Variants in PRAMEF14 observed in about 807,000 individuals in gnomAD.
PRAMEF14 encodes PRAME family member 14.
In PRAMEF14, 24 loss-of-function variants were observed where a neutral mutation model predicts 38.3. The ratio of observed to expected loss-of-function variants is 0.63; its 90% CI spans 0.45 to 0.88. The LOEUF is 0.88. Ranked by LOEUF, PRAMEF14 falls within the 40% of genes least tolerant of loss-of-function variation. PRAMEF14 has a pLI of 0.00. For missense variants in PRAMEF14, 477 were observed against 570.8 expected, an observed-to-expected ratio of 0.84 and a Z score of 1.67; for synonymous variants, 194 against 226.4, an observed-to-expected ratio of 0.86 and a Z score of 1.29.
chr1:13,344,299 A>T lies in PRAMEF14; in HGVS notation c.605T>A (p.Ile202Lys). Residue 202 changes from isoleucine to lysine, a missense_variant, in exon 3 of 4, where the codon ATA becomes AAA. Physicochemically the swap from Ile to Lys is moderately radical, Grantham distance 102. Around this residue, in one of 4 missense-constraint regions of PRAMEF14, gnomAD observed 234 missense variants for 247.4 expected, o/e 0.95. Transcript: ENST00000334600. ...IKHLRKSLKI[I>K]YLNSIQQLEI... is the part of the protein sequence containing the mutation. ...CAGCTGTTGAATACTATTCAGGTAT[A>T]TTATTTTCAATGACTTTCTGAGATG... 1 of 1,606,646 alleles carries T rather than the reference A, an allele frequency of 6.2e-7. No homozygotes were observed. The highest frequency in any genetic ancestry group is 8.5e-7 in the Non-Finnish European group (1 of 1,177,238).
rs1178506272 is a variant in PRAMEF14, at chr1:13,344,828, G to T, written c.287+200C>A. ...TTTACCTTCCACTGAGTAAAGGCAG[G>T]TTTCTGTTCCCACAGTGGACCCTGT... On this transcript the variant is annotated intron_variant, in intron 2 of 3. Transcript: ENST00000334600. 3.3e-5 allele frequency among the ~76,000 whole-genome samples: 5 copies of T among 150,350 alleles called. 1 individual carries two copies. The highest frequency in any genetic ancestry group is 7.4e-5 in the Non-Finnish European group (5 of 67,578).
chr1:13,345,112 G>T lies in PRAMEF14; in HGVS notation c.203C>A (p.Ser68Ter), dbSNP rs1640383877. The T allele has an allele frequency of 3.1e-6, 5 of 1,593,438 alleles. No individual in the cohort carries two copies. Among genetic ancestry groups the T allele is most frequent in the Non-Finnish European group, 4.3e-6 (5 of 1,167,712 alleles). Residue 68 changes from serine (S) to a stop codon, truncating the protein, a stop_gained, in exon 2 of 4, where the codon TCA becomes TAA. Coordinates refer to ENST00000334600, the MANE Select transcript of PRAMEF14 (RefSeq NM_001024661.2). LOFTEE classifies it high-confidence loss of function. The stretch of plus-strand genomic sequence containing the variant: ...CTCCAAATGAAGCGTCTTCATCAGT[G>T]ATCCCAGAGGGAGGCAGGTGAAGGG... ...AWPFTCLPLG[S>*]LMKTLHLETL...
chr1:13,345,833 G>A (rs1349774562), intron 1 of PRAMEF14, among the ~76,000 whole-genome samples: 1 of 151,072 alleles, frequency 6.6e-6, no homozygotes, highest in South Asian at 2.1e-4. Context: ...ATGAAACGAT[G>A]TCTCTACTAA....
Position 13,343,090 on chromosome 1 carries a change from TG to T in PRAMEF14, c.867-5del, listed in dbSNP as rs1385995156. ...CTCCAAGGGGTTCTGGAGGCACCTG[TG>T]GAGATCAAGAAGTTAGTTCTGGGCA... On this transcript the variant is annotated splice_region_variant and splice_polypyrimidine_tract_variant and intron_variant, in intron 3 of 3. Transcript: ENST00000334600. The T allele has an allele frequency of 1.9e-6, 3 of 1,608,672 alleles. No individual in the cohort carries two copies. Among genetic ancestry groups the T allele is most frequent in the African/African-American group, 2.7e-5 (2 of 74,802 alleles).
Position 13,342,529 on chromosome 1 carries a change from T to TA in PRAMEF14, c.1423dup (p.Ter475LeufsTer9), listed in dbSNP as rs754912700. 2.5e-6 allele frequency: 4 copies of TA among 1,604,864 alleles called. 1 individual carries two copies. Among genetic ancestry groups the TA allele is most frequent in the Non-Finnish European group, 3.4e-6 (4 of 1,177,158 alleles). Reference sequence around the variant, plus strand: ...TCTACCCCGCTAGGCACGCCTTCCCTAGCAGCAAAGATGGAGCTCCAGTTC... The same window carrying TA: ...TCTACCCCGCTAGGCACGCCTTCCCTAAGCAGCAAAGATGGAGCTCCAGTTC... On this transcript the variant is annotated frameshift_variant and stop_lost, in exon 4 of 4. Transcript: ENST00000334600. LOFTEE classifies it high-confidence loss of function.
At chr1:13,346,550 A>G (rs1173364290) in intron 1 of PRAMEF14, among the ~76,000 whole-genome samples, 1 of 149,460 alleles carries the variant, frequency 6.7e-6, no homozygotes, top group Non-Finnish European at 1.5e-5. Context: ...GAGCACTGTA[A>G]CTCTGAGATG....
chr1:13,344,558 A>T lies in PRAMEF14; in HGVS notation c.346T>A (p.Trp116Arg). Reference sequence around the variant, plus strand: ...CAGGACAGGGCCCAGGCTCCAGGCCATCTGGCCCAGAAATTCTCATCAACA... The same window carrying T: ...CAGGACAGGGCCCAGGCTCCAGGCCTTCTGGCCCAGAAATTCTCATCAACA... ...RDVDENFWAR[W>R]PGAWALSCFP... is the part of the protein sequence containing the mutation. The change falls in exon 3 of 4, where the codon TGG becomes AGG. Residue 116 changes from tryptophan to arginine, a missense_variant. Physicochemically the swap from Trp to Arg is moderately radical, Grantham distance 101 (BLOSUM62 -3). Around this residue, in one of 4 missense-constraint regions of PRAMEF14, gnomAD observed 234 missense variants for 247.4 expected, o/e 0.95. Coordinates refer to ENST00000334600, the MANE Select transcript of PRAMEF14 (RefSeq NM_001024661.2). 1 of 1,604,612 alleles carries T rather than the reference A, an allele frequency of 6.2e-7. No homozygotes were observed. The highest frequency in any genetic ancestry group is 8.5e-7 in the Non-Finnish European group (1 of 1,177,158).
rs758964200 is a variant in PRAMEF14, at chr1:13,342,965, C to T, written c.988G>A (p.Val330Met). The T allele has an allele frequency of 2.5e-5, 40 of 1,608,824 alleles. 1 individual carries two copies. The highest frequency in any genetic ancestry group is 3.0e-5 in the Non-Finnish European group (35 of 1,178,430). Reference sequence around the variant, plus strand: ...TCAAGACTGATGCGGAACAGCAGCACGTAGCTGAGATTCAGATGCTTTAGG... The same window carrying T: ...TCAAGACTGATGCGGAACAGCAGCATGTAGCTGAGATTCAGATGCTTTAGG... The part of the protein sequence containing the change: ...GYLKHLNLSY[V>M]LLFRISLEPL... Residue 330 changes from valine to methionine, a missense_variant, in exon 4 of 4, where the codon GTG becomes ATG. Coordinates refer to ENST00000334600, the MANE Select transcript of PRAMEF14 (RefSeq NM_001024661.2).
rs1193875974 is a variant in PRAMEF14 at position 13,345,852 on chromosome 1, AAATT to A, written c.-25-517_-25-514del. ...AACGATGTCTCTACTAAATACAAAAAAATTAAGAATCATTTGACTCCAGAAGGCA... is the reference window on the plus strand; with the variant it reads ...AACGATGTCTCTACTAAATACAAAAAAAGAATCATTTGACTCCAGAAGGCA... On this transcript the variant is annotated intron_variant, in intron 1 of 3. Coordinates refer to ENST00000334600, the MANE Select transcript of PRAMEF14 (RefSeq NM_001024661.2). 2.0e-5 allele frequency among the ~76,000 whole-genome samples: 3 copies of A among 152,048 alleles called. No homozygotes were observed. The East Asian group carries it at 5.9e-4, about 30-fold the overall frequency.
At position 13,347,071 on chromosome 1, in the gene PRAMEF14, C is replaced by CT. The variant is rs1640412826; in HGVS notation, c.-41dup. 1 of 150,366 alleles carries CT rather than the reference C, an allele frequency of 6.7e-6. No individual in the cohort carries two copies. The allele number at this position is 150,366 out of a possible 1,614,324, so 9.3% of individuals were successfully genotyped here. A position where few individuals can be genotyped will look rare whatever the true frequency, so the allele number is the denominator to read the frequency against. Reference sequence around the variant, plus strand: ...TGGTGACTTACCAGCGCTGGACTCACTTTGCAGAGTTCTGGGACCTCTCAG... The same window carrying CT: ...TGGTGACTTACCAGCGCTGGACTCACTTTTGCAGAGTTCTGGGACCTCTCAG... On this transcript the variant is annotated 5_prime_UTR_variant, in exon 1 of 4. Transcript: ENST00000334600.
In PRAMEF14 at chr1:13,342,256, C is replaced by A. The variant is rs1553125288; in HGVS notation, c.*272G>T. 6.3e-4 allele frequency: 338 copies of A among 539,494 alleles called. 1 individual carries two copies. In the Middle Eastern group the frequency reaches 6.9e-3, roughly 11 times the overall value. The allele number at this position is 539,494 out of a possible 1,614,324, so 33.4% of individuals were successfully genotyped here. On this transcript the variant is annotated 3_prime_UTR_variant, in exon 4 of 4. Transcript: ENST00000334600. ...ACTTCCCTGTGCTTCCTTTAAGTTGCATGTGGCCTGGACACAGTCACTCAT... is the reference window on the plus strand; with the variant it reads ...ACTTCCCTGTGCTTCCTTTAAGTTGAATGTGGCCTGGACACAGTCACTCAT...
chr1:13,343,675 C>T (rs1442855061), intron 3 of PRAMEF14: 34 of 1,343,668 alleles, frequency 2.5e-5, no homozygotes, highest in South Asian at 2.3e-4. Context: ...AGGTTTGATG[C>T]GCTTTCCCTC....
chr1:13,345,576 C>A (rs1175323119), intron 1 of PRAMEF14, among the ~76,000 whole-genome samples: 1 of 150,832 alleles, frequency 6.6e-6, no homozygotes, highest in Non-Finnish European at 1.5e-5. Context: ...CACTTACCAC[C>A]CTAAAGCAAT....
chr1:13,342,864 G>A lies in PRAMEF14; in HGVS notation c.1089C>T (p.Tyr363=), dbSNP rs374212194. ...CAGGCAGGATGGCACTGAGTTGGGA[G>A]TAGTGGATCTGACAGCCCTCCAAGA... ...TLILEGCQIH[Y]SQLSAILPGL... The change falls in exon 4 of 4, where the codon TAC becomes TAT. Residue 363 remains tyrosine, a synonymous_variant. Transcript: ENST00000334600. 1,007 of 1,609,294 alleles carry A rather than the reference G, an allele frequency of 6.3e-4. 10 individuals carry two copies. The highest frequency in any genetic ancestry group is 8.0e-4 in the Non-Finnish European group (944 of 1,179,284).
rs1640334366 is a variant in PRAMEF14 at position 13,342,076 on chromosome 1, C to A, written c.*452G>T. 6.1e-6 allele frequency: 1 copy of A among 164,684 alleles called. No individual in the cohort carries two copies. Among genetic ancestry groups the A allele is most frequent in the Non-Finnish European group, 1.3e-5 (1 of 74,872 alleles). 10.2% of individuals were successfully genotyped at this position (164,684 alleles called of 1,614,324 possible). A position where few individuals can be genotyped will look rare whatever the true frequency, so the allele number is the denominator to read the frequency against. ...TTTATTTCTGATATTCCTTGGTAAC[C>A]ATCCTTGCAGGGATAACATTCTCAT... On this transcript the variant is annotated 3_prime_UTR_variant, in exon 4 of 4. Transcript: ENST00000334600.
rs769926484 is a variant in PRAMEF14 at position 13,342,761 on chromosome 1, A to G, written c.1192T>C (p.Leu398=). The change falls in exon 4 of 4, where the codon TTG becomes CTG. Residue 398 remains leucine, a synonymous_variant. Coordinates refer to ENST00000334600, the MANE Select transcript of PRAMEF14 (RefSeq NM_001024661.2). ...TTGCTCAGCCCACTGGTGTGGCACA[A>G]CAGGTCCTTCAGGGCACCCATAGAC... is the stretch of plus-strand genomic sequence containing the variant. ...CMSMGALKDL[L]CHTSGLSKLS... The G allele has an allele frequency of 6.8e-4, 1,087 of 1,602,626 alleles. 48 individuals carry two copies. Among genetic ancestry groups the G allele is most frequent in the African/African-American group, 5.8e-3 (433 of 74,414 alleles).
At chr1:13,346,984 G>A (rs1640411825) in intron 1 of PRAMEF14, 73 bp downstream of exon 1, 1 of 149,808 alleles carries the variant, frequency 6.7e-6, no homozygotes, top group Admixed American at 6.7e-5. Flanking sequence ...TGCCACTTTG[G>A]GATGTGTGTC....
At chr1:13,346,887 T>C (rs1210973800) in intron 1 of PRAMEF14, among the ~76,000 whole-genome samples, 170 bp downstream of exon 1, 2 of 150,152 alleles carry the variant, frequency 1.3e-5, no homozygotes, top group Non-Finnish European at 3.0e-5. Flanking sequence ...CAAATCACAA[T>C]TTGATGGATG....
rs1640409811 is a variant in PRAMEF14 at position 13,346,772 on chromosome 1, A to G, written c.-26+285T>C. ...CTGTAATTGAAGGGCACAAAAACAGATAACTTCAAATGTCAAGAAATAAAA... is the reference window on the plus strand; with the variant it reads ...CTGTAATTGAAGGGCACAAAAACAGGTAACTTCAAATGTCAAGAAATAAAA... On this transcript the variant is annotated intron_variant, in intron 1 of 3. Transcript: ENST00000334600. Among the ~76,000 whole-genome samples the G allele has an allele frequency of 2.0e-5, 3 of 149,676 alleles. 1 individual carries two copies. The highest frequency in any genetic ancestry group is 3.0e-5 in the Non-Finnish European group (2 of 67,378).
Sources: allele counts gnomAD v4.1 joint callset (sites outside exome capture counted in the v4.1 genomes callset), GRCh38; gene constraint gnomAD v4.1.1; regional missense constraint gnomAD v4.1.1; transcripts MANE v1.5; gene names NCBI Gene and HGNC (gene_info 2026-07-23, HGNC 2026-07-21).